The following C2orf42 variants were observed in gnomAD, a reference collection of about 807,000 sequenced individuals.
C2orf42 encodes uncharacterized protein C2orf42.
In C2orf42, 44 loss-of-function variants were observed where a neutral mutation model predicts 58.9. That is an observed-to-expected ratio of 0.75 (90% confidence interval 0.59 to 0.96). The LOEUF (loss-of-function observed/expected upper bound fraction) is 0.96. Among genes scored for constraint, C2orf42 ranks in the 40% least tolerant of loss-of-function variants. The probability of loss-of-function intolerance (pLI) is 0.00; values close to 1 mark genes in which losing one functional copy is unlikely to be tolerated. For missense variants in C2orf42, 630 were observed against 699.2 expected (o/e 0.90, Z 1.12); for synonymous variants, 239 against 265.4 (o/e 0.90, Z 0.97).
At chr2:70,157,594 C>T (rs1302754236) in intron 9 of C2orf42, among the ~76,000 whole-genome samples, 1 of 152,000 alleles carries the variant, frequency 6.6e-6, no homozygotes, top group Non-Finnish European at 1.5e-5. Flanking sequence ...GTTAGAAATT[C>T]GAGACCAGCC....
Position 70,181,314 on chromosome 2 carries a change from G to A in C2orf42, c.672C>T (p.Cys224=), listed in dbSNP as rs761213773. 18 of 1,613,966 alleles carry A rather than the reference G, an allele frequency of 1.1e-5. No homozygotes were observed. The highest frequency in any genetic ancestry group is 1.5e-5 in the Non-Finnish European group (18 of 1,179,984). The change falls in exon 3 of 10, where the codon TGC becomes TGT. Residue 224 remains cysteine (C), a synonymous_variant. Transcript: ENST00000264434. ...GKSLPERRFF[C]SCQTLKSHKS... ...TGTGCGATTTCAGAGTCTGACAGGAGCAGAAGAAGCGGCGCTCAGGCAAGC... is the reference window on the plus strand; with the variant it reads ...TGTGCGATTTCAGAGTCTGACAGGAACAGAAGAAGCGGCGCTCAGGCAAGC...
chr2:70,187,138 C>T (rs1032955375), intron 1 of C2orf42, among the ~76,000 whole-genome samples: 1 of 151,720 alleles, frequency 6.6e-6, no homozygotes, highest in Non-Finnish European at 1.5e-5. Context: ...AAAAAAAAAA[C>T]CTTTCTGTCA....
At chr2:70,154,234 G>A (rs1351295740) in intron 9 of C2orf42, among the ~76,000 whole-genome samples, 1 of 151,406 alleles carries the variant, frequency 6.6e-6, no homozygotes, top group Non-Finnish European at 1.5e-5. Context: ...ACAAGAAAAG[G>A]CCAAATTTCA....
At chr2:70,172,214 ACT>A (rs1303229378) in intron 5 of C2orf42, among the ~76,000 whole-genome samples, 2 of 133,952 alleles carry the variant, frequency 1.5e-5, no homozygotes, top group African/African-American at 5.7e-5. Flanking sequence ...ACAGAGTGAG[ACT>A]CTGTCTCAAA....
At chr2:70,179,347 T>A (rs1257532228) in intron 4 of C2orf42, among the ~76,000 whole-genome samples, 185 bp downstream of exon 4, 2 of 151,786 alleles carry the variant, frequency 1.3e-5, no homozygotes, top group African/African-American at 4.8e-5. Context: ...GATGGGAGAA[T>A]CACTTAAGGC....
At chr2:70,154,046 C>CT (rs1404068590) in intron 9 of C2orf42, among the ~76,000 whole-genome samples, 3 of 144,946 alleles carry the variant, frequency 2.1e-5, no homozygotes, top group African/African-American at 5.3e-5. Context: ...GAGCAAGACT[C>CT]TGTCTCAAAA....
At chr2:70,185,978 C>T (rs1197534124) in intron 1 of C2orf42, among the ~76,000 whole-genome samples, 1 of 147,562 alleles carries the variant, frequency 6.8e-6, no homozygotes, top group African/African-American at 2.5e-5. Context: ...CGGTAGCAGG[C>T]CCCATCCCTA....
chr2:70,189,196 C>G (rs866088651), intron 1 of C2orf42, among the ~76,000 whole-genome samples: 3 of 146,118 alleles, frequency 2.1e-5, no homozygotes, highest in African/African-American at 5.1e-5. Flanking sequence ...CACCTGAGGT[C>G]GGGAGTTCCT....
Position 70,186,667 on chromosome 2 carries a change from G to A in C2orf42, c.-281-3732C>T, listed in dbSNP as rs569454692. On this transcript the variant is annotated intron_variant, in intron 1 of 9. Transcript: ENST00000264434. ...ACACATGCACACGTATGTTTATTGC[G>A]GCACTATTCACAATAGCAAAGACTT... Among the ~76,000 whole-genome samples, 301 of 152,134 alleles carry A rather than the reference G, an allele frequency of 2.0e-3. 3 individuals are homozygous for A. Among genetic ancestry groups the A allele is most frequent in the African/African-American group, 6.8e-3 (283 of 41,504 alleles).
At chr2:70,151,907 G>A (rs1354268602) in intron 9 of C2orf42, among the ~76,000 whole-genome samples, 3 of 151,860 alleles carry the variant, frequency 2.0e-5, no homozygotes, top group African/African-American at 7.3e-5. Context: ...CTTCCAAGTA[G>A]CTGGGACTAC....
chr2:70,188,404 G>T (rs1249876811), intron 1 of C2orf42, among the ~76,000 whole-genome samples: 1 of 152,046 alleles, frequency 6.6e-6, no homozygotes, highest in Non-Finnish European at 1.5e-5. Flanking sequence ...TGGCCAGGCT[G>T]GTCTCGAACT....
chr2:70,168,157 C>T (rs112302272), intron 6 of C2orf42, among the ~76,000 whole-genome samples: 1 of 151,344 alleles, frequency 6.6e-6, no homozygotes, highest in African/African-American at 2.4e-5. Context: ...TTGCTTGAAC[C>T]TGGGAGGTGG....
At chr2:70,185,605 G>C (rs570224711) in intron 1 of C2orf42, among the ~76,000 whole-genome samples, 2 of 151,938 alleles carry the variant, frequency 1.3e-5, no homozygotes, top group East Asian at 1.9e-4. Flanking sequence ...CAGCTACTCA[G>C]GAGGCTGAGG....
At chr2:70,177,279 GA>G (rs11385051) in intron 4 of C2orf42, among the ~76,000 whole-genome samples, 68 of 139,838 alleles carry the variant, frequency 4.9e-4, no homozygotes, top group Middle Eastern at 3.7e-3. Flanking sequence ...CCTCAAAAAA[GA>G]AAAAAAAAAA....
rs372856019 is a variant in C2orf42 at position 70,182,940 on chromosome 2, G to A, written c.-281-5C>T. ...CTAAGTGGAGATCTTGATAGTCTGC[G>A]AGTAAAACAAGAAAAAATATTAAAG... is the stretch of plus-strand genomic sequence containing the variant. On this transcript the variant is annotated splice_polypyrimidine_tract_variant and splice_region_variant and intron_variant, in intron 1 of 9. Coordinates refer to ENST00000264434, the MANE Select transcript of C2orf42 (RefSeq NM_017880.3). The A allele has an allele frequency of 2.5e-4, 38 of 152,076 alleles. No individual in the cohort carries two copies. Among genetic ancestry groups the A allele is most frequent in the African/African-American group, 8.5e-4 (35 of 41,404 alleles). The allele number at this position is 152,076 out of a possible 1,614,324, so 9.4% of individuals were successfully genotyped here.
At chr2:70,165,470 C>T (rs1673335603) in intron 7 of C2orf42, 58 bp downstream of exon 7, 1 of 1,006,638 alleles carries the variant, frequency 9.9e-7, no homozygotes, top group African/African-American at 1.6e-5. Flanking sequence ...AGATTTTTTC[C>T]AAACATAATT....
Position 70,181,152 on chromosome 2 carries a change from A to G in C2orf42, c.823+11T>C, listed in dbSNP as rs767807128. The G allele has an allele frequency of 2.7e-6, 4 of 1,504,506 alleles. No homozygotes were observed. In the African/African-American group the frequency reaches 5.6e-5, roughly 21 times the overall value. 93.2% of individuals were successfully genotyped at this position (1,504,506 alleles called of 1,614,324 possible). Reference sequence around the variant, plus strand: ...GAAAAACGTAATAACCACATCAACCATACCACCTACCGCTGGAATCAAAAT... The same window carrying G: ...GAAAAACGTAATAACCACATCAACCGTACCACCTACCGCTGGAATCAAAAT... On this transcript the variant is annotated intron_variant, in intron 3 of 9. Coordinates refer to ENST00000264434, the MANE Select transcript of C2orf42 (RefSeq NM_017880.3).
intron 1 of C2orf42, among the ~76,000 whole-genome samples, chr2:70,187,080 G>A (rs983814269): frequency 6.6e-6 from 1 of 151,630 alleles, no homozygotes; most frequent in South Asian, 2.1e-4. Context: ...TTGTGCACAT[G>A]TACCCTAAAA....
intron 4 of C2orf42, among the ~76,000 whole-genome samples, chr2:70,176,784 G>A (rs1051582139): frequency 3.9e-5 from 6 of 151,982 alleles, no homozygotes; most frequent in Non-Finnish European, 8.8e-5. Context: ...ATGCACCACT[G>A]CACCCAGACT....
Sources: allele counts gnomAD v4.1 joint callset (sites outside exome capture counted in the v4.1 genomes callset), GRCh38; gene constraint gnomAD v4.1.1; transcripts MANE v1.5; gene names NCBI Gene and HGNC (gene_info 2026-07-23, HGNC 2026-07-21).